Variants in APBB2 observed in about 807,000 individuals in gnomAD.
The protein encoded by APBB2 is Fe65-like 1.
In APBB2, 38 loss-of-function variants were observed where a neutral mutation model predicts 82.5. That is an observed-to-expected ratio of 0.46 (90% confidence interval 0.36 to 0.60). The LOEUF is 0.60. Ranked by LOEUF, APBB2 falls within the 20% of genes least tolerant of loss-of-function variation. The pLI, the probability that APBB2 is intolerant of heterozygous loss-of-function variation, is 0.00. For synonymous variants in APBB2, 341 were observed against 368.2 expected (o/e 0.93, Z 0.85); for missense variants, 772 against 972.3 (o/e 0.79, Z 2.74).
At chr4:40,933,300 C>T (rs1784656082) in intron 10 of APBB2, among the ~76,000 whole-genome samples, 1 of 152,154 alleles carries the variant, frequency 6.6e-6, no homozygotes, top group Admixed American at 6.5e-5. Flanking sequence ...CTTCTGGGTA[C>T]CCTCTCCCAT....
rs76665683 is a variant in APBB2, at chr4:40,894,546, A to C, written c.1255-1135T>G. Among the ~76,000 whole-genome samples, 317 of 152,324 alleles carry C rather than the reference A, an allele frequency of 2.1e-3. 3 individuals carry two copies. Among genetic ancestry groups the C allele is most frequent in the African/African-American group, 6.5e-3 (269 of 41,590 alleles). The stretch of plus-strand genomic sequence containing the variant: ...AGAAAGGCAGCAAAACAAGGAAAAA[A>C]AGTATCCACTCATGATAACAAATAA... On this transcript the variant is annotated intron_variant, in intron 10 of 17. Coordinates refer to ENST00000508593, the MANE Select transcript of APBB2 (RefSeq NM_004307.2).
chr4:41,153,583 C>T (rs1229441302), intron 1 of APBB2, among the ~76,000 whole-genome samples: 1 of 152,102 alleles, frequency 6.6e-6, no homozygotes. Flanking sequence ...ATCTTGGCAC[C>T]TAGTAGTACA....
At chr4:41,183,019 G>T (rs887343068) in intron 1 of APBB2, among the ~76,000 whole-genome samples, 1 of 152,120 alleles carries the variant, frequency 6.6e-6, no homozygotes, top group Non-Finnish European at 1.5e-5. Context: ...CTCCAAACTG[G>T]CTTCTTCCAA....
intron 6 of APBB2, among the ~76,000 whole-genome samples, chr4:40,951,170 A>C (rs1211375204): frequency 6.6e-6 from 1 of 152,222 alleles, no homozygotes; most frequent in Non-Finnish European, 1.5e-5. Context: ...GGACTTCTGG[A>C]GTATTAGAAA....
intron 1 of APBB2, among the ~76,000 whole-genome samples, chr4:41,187,853 G>C (rs992898082): frequency 2.0e-5 from 3 of 151,990 alleles, no homozygotes; most frequent in African/African-American, 7.2e-5. Context: ...CACTGCAGAG[G>C]CAAAGGAAAA....
chr4:40,865,315 G>C (rs905916737), intron 12 of APBB2, among the ~76,000 whole-genome samples: 2 of 152,136 alleles, frequency 1.3e-5, no homozygotes, highest in Non-Finnish European at 1.5e-5. Context: ...TTCCATGATT[G>C]TAATTTGAGA....
At chr4:41,031,337 T>C (rs1716710779) in intron 5 of APBB2, among the ~76,000 whole-genome samples, 1 of 152,196 alleles carries the variant, frequency 6.6e-6, no homozygotes, top group African/African-American at 2.4e-5. Context: ...AAGGCAAACC[T>C]TACCCCACTT....
In APBB2 at chr4:40,879,876, G is replaced by C. The variant is rs188039407; in HGVS notation, c.1529+10488C>G. 18 of 310,726 alleles carry C rather than the reference G, an allele frequency of 5.8e-5. No homozygotes were observed. In the East Asian group the frequency reaches 2.9e-3, roughly 51 times the overall value. The allele number at this position is 310,726 out of a possible 1,614,324, so 19.2% of individuals were successfully genotyped here. ...CCAGCTGATTTTTGTATTTTTAGTA[G>C]AGACAGGGTTTTGCCATGTTGGACA... is the stretch of plus-strand genomic sequence containing the variant. On this transcript the variant is annotated intron_variant, in intron 12 of 17. Transcript: ENST00000508593.
chr4:41,095,501 T>C (rs1743181358), intron 3 of APBB2, among the ~76,000 whole-genome samples: 1 of 152,244 alleles, frequency 6.6e-6, no homozygotes, highest in African/African-American at 2.4e-5. Context: ...AATAGCTTAG[T>C]ATGCCCACCT....
chr4:41,031,571 C>T (rs188040689), intron 5 of APBB2, among the ~76,000 whole-genome samples: 38 of 152,264 alleles, frequency 2.5e-4, no homozygotes, highest in African/African-American at 8.9e-4. Flanking sequence ...GTTTGAGCAC[C>T]AGCATGAAGA....
chr4:41,196,461 A>C lies in APBB2; in HGVS notation c.-417+17944T>G. 2.8e-3 allele frequency among the ~76,000 whole-genome samples: 427 copies of C among 152,248 alleles called. 5 individuals are homozygous for C. Among genetic ancestry groups the C allele is most frequent in the Non-Finnish European group, 1.5e-3 (102 of 68,018 alleles). On this transcript the variant is annotated intron_variant, in intron 1 of 17. Transcript: ENST00000508593. ...GATTTTAAACACATTCAATGCAAAA[A>C]AATTCCATTATCACCATTTTGCTGT... is the stretch of plus-strand genomic sequence containing the variant.
At chr4:41,196,125 C>G in intron 1 of APBB2, among the ~76,000 whole-genome samples, 1 of 151,830 alleles carries the variant, frequency 6.6e-6, no homozygotes, top group East Asian at 1.9e-4. Context: ...CGCCACTGCA[C>G]TCCAGCCTGG....
At chr4:40,895,096 G>A (rs968877146) in intron 10 of APBB2, among the ~76,000 whole-genome samples, 2 of 152,076 alleles carry the variant, frequency 1.3e-5, no homozygotes, top group African/African-American at 2.4e-5. Flanking sequence ...GATCATATTC[G>A]GTCAAGGGCC....
intron 3 of APBB2, among the ~76,000 whole-genome samples, chr4:41,091,077 C>A (rs547079685): frequency 6.6e-6 from 1 of 152,298 alleles, no homozygotes; most frequent in East Asian, 1.9e-4. Context: ...CACCCTCACA[C>A]TCTCCCTAGA....
chr4:40,815,811 G>C lies in APBB2; in HGVS notation c.*281C>G, dbSNP rs983781490. 2.4e-5 allele frequency: 8 copies of C among 340,268 alleles called. No individual in the cohort carries two copies. Among genetic ancestry groups the C allele is most frequent in the African/African-American group, 1.6e-4 (8 of 48,970 alleles). 21.1% of individuals were successfully genotyped at this position (340,268 alleles called of 1,614,324 possible). On this transcript the variant is annotated 3_prime_UTR_variant, in exon 18 of 18. Transcript: ENST00000508593. ...GGTGGGGCCACACTCTTCTCTGTGTGTGTGTGAAGTTAAGTAATGTTCACA... is the reference window on the plus strand; with the variant it reads ...GGTGGGGCCACACTCTTCTCTGTGTCTGTGTGAAGTTAAGTAATGTTCACA...
At chr4:40,817,920 A>G (rs755683287) in intron 17 of APBB2, among the ~76,000 whole-genome samples, 1 of 152,206 alleles carries the variant, frequency 6.6e-6, no homozygotes, top group African/African-American at 2.4e-5. Flanking sequence ...GAAAGCACGG[A>G]TTTATACATG....
intron 1 of APBB2, among the ~76,000 whole-genome samples, chr4:41,184,356 C>T (rs900449944): frequency 6.6e-6 from 1 of 152,164 alleles, no homozygotes; most frequent in South Asian, 2.1e-4. Context: ...AATACACCAC[C>T]TCATAAAGGA....
At chr4:40,964,987 G>A (rs1180970633) in intron 6 of APBB2, among the ~76,000 whole-genome samples, 1 of 152,108 alleles carries the variant, frequency 6.6e-6, no homozygotes, top group East Asian at 1.9e-4. Flanking sequence ...GGGCGTGGTG[G>A]CACGTGCCTG....
chr4:41,134,955 T>A (rs1322072386), intron 2 of APBB2, among the ~76,000 whole-genome samples: 1 of 152,214 alleles, frequency 6.6e-6, no homozygotes, highest in Non-Finnish European at 1.5e-5. Flanking sequence ...ATCACTCATA[T>A]GTTAATGACT....
Sources: gnomAD v4.1 joint callset for allele counts (sites outside exome capture counted in the v4.1 genomes callset) on GRCh38, gnomAD v4.1.1 for gene constraint, MANE v1.5 for transcripts, NCBI Gene and HGNC (gene_info 2026-07-23, HGNC 2026-07-21) for gene names.